MBD5: variants seen among roughly 807,000 people sequenced by gnomAD.
MBD5 encodes methyl-CpG-binding domain protein 5.
In MBD5, 13 loss-of-function variants were observed where a neutral mutation model predicts 117.3. The ratio of observed to expected loss-of-function variants is 0.11; its 90% CI spans 0.07 to 0.18. The LOEUF (loss-of-function observed/expected upper bound fraction) is 0.18. MBD5 is among the 10% of genes least tolerant of loss of function. The pLI, the probability that MBD5 is intolerant of heterozygous loss-of-function variation, is 1.00. For synonymous variants in MBD5, 727 were observed against 766.4 expected, an observed-to-expected ratio of 0.95 and a Z score of 0.85; for missense variants, 1,879 against 2,093.8, an observed-to-expected ratio of 0.90 and a Z score of 2.00.
chr2:148,228,249 G>A (rs1488398517), intron 2 of MBD5, among the ~76,000 whole-genome samples: 1 of 152,124 alleles, frequency 6.6e-6, no homozygotes, highest in Admixed American at 6.5e-5. Context: ...CTGTGGGTTT[G>A]TCATAGATGG....
chr2:148,120,026 C>T (rs1365223195), intron 1 of MBD5, among the ~76,000 whole-genome samples: 1 of 152,070 alleles, frequency 6.6e-6, no homozygotes. Context: ...AAGCCATCCT[C>T]TAATCTCAGC....
At chr2:148,342,581 G>A (rs1050010396) in intron 4 of MBD5, among the ~76,000 whole-genome samples, 11 of 151,488 alleles carry the variant, frequency 7.3e-5, no homozygotes. Context: ...ACCACCTTCA[G>A]GTAACTATTC....
chr2:148,175,284 G>T (rs1345274461), intron 1 of MBD5, among the ~76,000 whole-genome samples: 1 of 152,012 alleles, frequency 6.6e-6, no homozygotes, highest in Non-Finnish European at 1.5e-5. Flanking sequence ...TTTTAAGAAG[G>T]TATAATTTTT....
intron 4 of MBD5, among the ~76,000 whole-genome samples, chr2:148,358,883 A>G (rs1241969136): frequency 6.6e-6 from 1 of 152,198 alleles, no homozygotes. Flanking sequence ...CTACTCTACC[A>G]GTGCTTTCTA....
rs554277265 is a variant in MBD5, at chr2:148,089,983, A to G, written c.-925+68299A>G. 8.5e-5 allele frequency among the ~76,000 whole-genome samples: 13 copies of G among 152,160 alleles called. No individual in the cohort carries two copies. In the South Asian group the frequency reaches 2.7e-3, roughly 32 times the overall value. ...AAAAGAGATGATTCAAATAAGCTCA[A>G]TTAGAAACAAAATGGGAGATACTAC... On this transcript the variant is annotated intron_variant, in intron 1 of 13. Coordinates refer to ENST00000642680, the MANE Select transcript of MBD5 (RefSeq NM_001378120.1).
At position 148,102,684 on chromosome 2, in the gene MBD5, C is replaced by CAG. The variant is rs934577534; in HGVS notation, c.-924-76002_-924-76001dup. On this transcript the variant is annotated intron_variant, in intron 1 of 13. Transcript: ENST00000642680. ...TATTTTACACACACACACACACACA[C>CAG]AGAGAGAGAGAGAGATCACACACAC... 9.3e-4 allele frequency among the ~76,000 whole-genome samples: 135 copies of CAG among 145,296 alleles called. 1 individual carries two copies. Among genetic ancestry groups the CAG allele is most frequent in the Middle Eastern group, 3.4e-3 (1 of 292 alleles).
At chr2:148,410,434 A>AT (rs1450183478) in intron 4 of MBD5, among the ~76,000 whole-genome samples, 2 of 151,716 alleles carry the variant, frequency 1.3e-5, no homozygotes, top group African/African-American at 2.4e-5. Context: ...TCTGGATATT[A>AT]TTTTTTTGAG....
intron 4 of MBD5, among the ~76,000 whole-genome samples, chr2:148,354,558 T>C (rs1447168545): frequency 1.3e-5 from 2 of 152,226 alleles, no homozygotes; most frequent in East Asian, 3.8e-4. Flanking sequence ...CTATTGCGAA[T>C]AGTGCTGCAA....
At chr2:148,327,390 C>A (rs1702485914) in intron 3 of MBD5, among the ~76,000 whole-genome samples, 1 of 152,088 alleles carries the variant, frequency 6.6e-6, no homozygotes, top group South Asian at 2.1e-4. Context: ...GCCTGCCTTG[C>A]TAGATTGGGG....
chr2:148,440,789 A>G (rs1706295603), intron 4 of MBD5, among the ~76,000 whole-genome samples: 1 of 152,242 alleles, frequency 6.6e-6, no homozygotes, highest in Admixed American at 6.5e-5. Context: ...AGGAATAAAC[A>G]GGTAACTCTA....
chr2:148,323,622 T>G (rs1225662722), intron 3 of MBD5, among the ~76,000 whole-genome samples: 5 of 151,600 alleles, frequency 3.3e-5, no homozygotes, highest in Non-Finnish European at 5.9e-5. Flanking sequence ...TTTCATGTGT[T>G]TTTTGGCTGC....
chr2:148,394,081 A>C (rs190902019), intron 4 of MBD5, among the ~76,000 whole-genome samples: 99 of 152,278 alleles, frequency 6.5e-4, no homozygotes, highest in African/African-American at 2.2e-3. Flanking sequence ...TAGCAAATGC[A>C]TTTTTGCACC....
chr2:148,441,320 T>C (rs1452719763), intron 4 of MBD5, among the ~76,000 whole-genome samples: 1 of 152,116 alleles, frequency 6.6e-6, no homozygotes. Flanking sequence ...GCGTTCTCAT[T>C]GTTCAATTCC....
intron 2 of MBD5, among the ~76,000 whole-genome samples, chr2:148,207,931 C>T (rs747378780): frequency 6.6e-6 from 1 of 152,146 alleles, no homozygotes; most frequent in Non-Finnish European, 1.5e-5. Context: ...GCTTCTGTAA[C>T]AAATTACCAC....
At chr2:148,233,987 A>G (rs1168590021) in intron 3 of MBD5, among the ~76,000 whole-genome samples, 1 of 152,148 alleles carries the variant, frequency 6.6e-6, no homozygotes, top group Non-Finnish European at 1.5e-5. Context: ...ATTGCTCCCA[A>G]AGAGCATCTG....
chr2:148,058,832 G>T (rs1345814780), intron 1 of MBD5, among the ~76,000 whole-genome samples: 2 of 152,100 alleles, frequency 1.3e-5, no homozygotes, highest in African/African-American at 4.8e-5. Context: ...AACACTTCCT[G>T]CCAGAATGCA....
At chr2:148,348,663 G>A (rs560926367) in intron 4 of MBD5, among the ~76,000 whole-genome samples, 1 of 152,148 alleles carries the variant, frequency 6.6e-6, no homozygotes, top group African/African-American at 2.4e-5. Flanking sequence ...TTCAGTGTAA[G>A]TAGATTCAAT....
chr2:148,038,631 C>A (rs1694265995), intron 1 of MBD5, among the ~76,000 whole-genome samples: 1 of 151,256 alleles, frequency 6.6e-6, no homozygotes. Context: ...AATCTTCTTA[C>A]TGTGAATTAA....
intron 1 of MBD5, among the ~76,000 whole-genome samples, chr2:148,168,018 T>A (rs1211211452): frequency 1.3e-5 from 2 of 152,200 alleles, no homozygotes; most frequent in Non-Finnish European, 2.9e-5. Context: ...CCCTGTTAAG[T>A]ACTTATTGGT....
Sources: allele counts gnomAD v4.1 joint callset (sites outside exome capture counted in the v4.1 genomes callset), GRCh38; gene constraint gnomAD v4.1.1; transcripts MANE v1.5; gene names NCBI Gene and HGNC (gene_info 2026-07-23, HGNC 2026-07-21).